Variants in DUSP1 observed in about 807,000 individuals in gnomAD.
The protein encoded by DUSP1 is dual specificity protein phosphatase 1.
DUSP1 carries 10 observed loss-of-function variants against 27.4 expected under a neutral mutation model. The observed-to-expected ratio is 0.37, with a 90% confidence interval of 0.23 to 0.62. The LOEUF (loss-of-function observed/expected upper bound fraction) is 0.62. Among genes scored for constraint, DUSP1 ranks in the 20% least tolerant of loss-of-function variants. DUSP1 has a pLI of 0.68. For synonymous variants in DUSP1, 262 were observed against 223.6 expected (o/e 1.17, Z -1.53); for missense variants, 425 against 508.1 (o/e 0.84, Z 1.57).
At chr5:172,769,921 A>G (rs961151984) in intron 2 of DUSP1, 127 bp from the exon 3 acceptor site, 11 of 1,253,042 alleles carry the variant, frequency 8.8e-6, no homozygotes, top group Non-Finnish European at 1.2e-5. Context: ...CTGTTGCTGG[A>G]GGATAAATAA....
In DUSP1 at chr5:172,771,171, C is replaced by T. The variant is rs1409729783; in HGVS notation, c.-219G>A. 10 of 532,574 alleles carry T rather than the reference C, an allele frequency of 1.9e-5. No homozygotes were observed. Among genetic ancestry groups the T allele is most frequent in the Admixed American group, 8.8e-5 (2 of 22,850 alleles). The allele number at this position is 532,574 out of a possible 1,614,324, so 33.0% of individuals were successfully genotyped here. On this transcript the variant is annotated 5_prime_UTR_variant, in exon 1 of 4. Transcript: ENST00000239223. ...CCGACTGCCCCTCCGACCCGCGTCG[C>T]ACACACAGCCCAAATGTCCTTCGCA... is the stretch of plus-strand genomic sequence containing the variant.
chr5:172,769,069 G>A lies in DUSP1; in HGVS notation c.797C>T (p.Ala266Val). 2 of 1,613,914 alleles carry A rather than the reference G, an allele frequency of 1.2e-6. No homozygotes were observed. The highest frequency in any genetic ancestry group is 8.5e-7 in the Non-Finnish European group (1 of 1,180,028). Residue 266 changes from alanine (A) to valine (V), a missense_variant, in exon 4 of 4, where the codon GCC becomes GTC. Ala to Val is a moderately conservative substitution (Grantham distance 64). Coordinates refer to ENST00000239223, the MANE Select transcript of DUSP1 (RefSeq NM_004417.4). ...VHCQAGISRS[A>V]TICLAYLMRT... Reference sequence around the variant, plus strand: ...CATAAGGTAAGCAAGGCAGATGGTGGCTGACCGGGAAATGCCTGCCTGGCA... The same window carrying A: ...CATAAGGTAAGCAAGGCAGATGGTGACTGACCGGGAAATGCCTGCCTGGCA...
At chr5:172,770,331 T>A in intron 1 of DUSP1, 25 bp from the exon 2 acceptor site, 2 of 1,610,344 alleles carry the variant, frequency 1.2e-6, no homozygotes, top group Non-Finnish European at 1.7e-6. Context: ...ACATTTTTTT[T>A]CCCCATTAGT....
In DUSP1 at chr5:172,768,432, A is replaced by G. The variant is rs1187438092; in HGVS notation, c.*330T>C. On this transcript the variant is annotated 3_prime_UTR_variant, in exon 4 of 4. Transcript: ENST00000239223. ...ATGTATATGTGTCGTCGGGAATAAT[A>G]CTGGTAGGTATGTCAAGCATGAAGA... 4.4e-6 allele frequency: 1 copy of G among 228,786 alleles called. No individual in the cohort carries two copies. The highest frequency in any genetic ancestry group is 8.9e-5 in the East Asian group (1 of 11,242). The allele number at this position is 228,786 out of a possible 1,614,324, so 14.2% of individuals were successfully genotyped here.
In DUSP1 at chr5:172,770,194, C is replaced by T. The variant is rs1223402301; in HGVS notation, c.480G>A (p.Gly160=). 1.3e-6 allele frequency: 2 copies of T among 1,597,346 alleles called. No individual in the cohort carries two copies. Among genetic ancestry groups the T allele is most frequent in the Non-Finnish European group, 1.7e-6 (2 of 1,174,660 alleles). ...STSVPDSAES[G]CSSCSTPLYD... ...AGAGTGGGGTACTGCAGGAACTGCA[C>T]CCAGATTCCGCGCTGTCAGGGACGC... Residue 160 remains glycine, a synonymous_variant, in exon 2 of 4, where the codon GGG becomes GGA. Coordinates refer to ENST00000239223, the MANE Select transcript of DUSP1 (RefSeq NM_004417.4).
In DUSP1 at chr5:172,770,669, CCGTCCAGGGCGGCGCTGCGCT is replaced by C. The variant is rs1759875991; in HGVS notation, c.263_283del (p.Glu88_Asp94del). On this transcript the variant is annotated inframe_deletion, in exon 1 of 4. Coordinates refer to ENST00000239223, the MANE Select transcript of DUSP1 (RefSeq NM_004417.4). The stretch of plus-strand genomic sequence containing the variant: ...GGCCAGGGTGCCGTCGCGCTTGGCG[CCGTCCAGGGCGGCGCTGCGCT>C]CGTCCAGCAACACCACGGCGTGGTA... 6.9e-6 allele frequency: 9 copies of C among 1,307,012 alleles called. No individual in the cohort carries two copies. Among genetic ancestry groups the C allele is most frequent in the South Asian group, 2.2e-5 (1 of 44,952 alleles). The allele number at this position is 1,307,012 out of a possible 1,614,324, so 81.0% of individuals were successfully genotyped here. A position where few individuals can be genotyped will look rare whatever the true frequency, so the allele number is the denominator to read the frequency against.
rs140606584 is a variant in DUSP1, at chr5:172,768,817, G to A, written c.1049C>T (p.Thr350Met). The A allele has an allele frequency of 8.9e-6, 14 of 1,574,046 alleles. No homozygotes were observed. Among genetic ancestry groups the A allele is most frequent in the African/African-American group, 2.7e-5 (2 of 74,244 alleles). Residue 350 changes from threonine to methionine, a missense_variant, in exon 4 of 4, where the codon ACG becomes ATG. Transcript: ENST00000239223. ...NFPVSIPVHS[T>M]NSALSYLQSP... is the part of the protein sequence containing the mutation. Reference sequence around the variant, plus strand: ...CTGAAGGTAGCTCAGCGCACTGTTCGTGGAGTGGACAGGGATGGAGACGGG... The same window carrying A: ...CTGAAGGTAGCTCAGCGCACTGTTCATGGAGTGGACAGGGATGGAGACGGG...
intron 3 of DUSP1, 100 bp from the exon 4 acceptor site, chr5:172,769,232 G>C (rs1759841880): frequency 6.7e-7 from 1 of 1,491,978 alleles, no homozygotes; most frequent in Admixed American, 2.3e-5. Flanking sequence ...GTCTTGTCTA[G>C]AAATGGTCAA....
In DUSP1 at chr5:172,770,605, C is replaced by A; in HGVS notation, c.348G>T (p.Ala116=). The change falls in exon 1 of 4, where the codon GCG becomes GCT. Residue 116 remains alanine (A), a synonymous_variant. Coordinates refer to ENST00000239223, the MANE Select transcript of DUSP1 (RefSeq NM_004417.4). ...AGALCREARA[A]QVFFLKGGYE... is the part of the protein sequence containing the mutation. ...GCGTACCTTTGAGGAAGAAGACTTG[C>A]GCGGCGCGCGCCTCGCGGCAGAGCG... The A allele has an allele frequency of 7.4e-7, 1 of 1,352,688 alleles. No individual in the cohort carries two copies. Among genetic ancestry groups the A allele is most frequent in the Non-Finnish European group, 9.4e-7 (1 of 1,058,774 alleles). The allele number at this position is 1,352,688 out of a possible 1,614,324, so 83.8% of individuals were successfully genotyped here. A position where few individuals can be genotyped will look rare whatever the true frequency, so the allele number is the denominator to read the frequency against.
chr5:172,768,579 G>A lies in DUSP1; in HGVS notation c.*183C>T. 2.6e-6 allele frequency: 2 copies of A among 756,028 alleles called. No homozygotes were observed. Among genetic ancestry groups the A allele is most frequent in the Non-Finnish European group, 3.7e-6 (2 of 537,310 alleles). 46.8% of individuals were successfully genotyped at this position (756,028 alleles called of 1,614,324 possible). On this transcript the variant is annotated 3_prime_UTR_variant, in exon 4 of 4. Transcript: ENST00000239223. ...ACTATATATTGGTCCCGAATGTGCT[G>A]AGTTCAGCAAATGTCTTGACGCTAA...
intron 1 of DUSP1, 62 bp from the exon 2 acceptor site, chr5:172,770,368 A>G (rs972448076): frequency 1.2e-6 from 2 of 1,602,026 alleles, no homozygotes; most frequent in African/African-American, 2.7e-5. Flanking sequence ...ACCTTCATAC[A>G]ACTCCCCCAC....
Position 172,768,769 on chromosome 5 carries a change from C to G in DUSP1, c.1097G>C (p.Ser366Thr). 6.6e-7 allele frequency: 1 copy of G among 1,513,502 alleles called. No homozygotes were observed. Among genetic ancestry groups the G allele is most frequent in the Non-Finnish European group, 8.9e-7 (1 of 1,129,830 alleles). The allele number at this position is 1,513,502 out of a possible 1,614,324, so 93.8% of individuals were successfully genotyped here. A position where few individuals can be genotyped will look rare whatever the true frequency, so the allele number is the denominator to read the frequency against. ...CTCACCTCCCGTGGCCTTTCAGCAG[C>G]TGGGAGAGGTCGTAATGGGGCTCTG... is the stretch of plus-strand genomic sequence containing the variant. ...YLQSPITTSP[S>T]C Residue 366 changes from serine (S) to threonine (T), a missense_variant, in exon 4 of 4, where the codon AGC becomes ACC. Coordinates refer to ENST00000239223, the MANE Select transcript of DUSP1 (RefSeq NM_004417.4).
intron 1 of DUSP1, 84 bp downstream of exon 1, chr5:172,770,502 C>T (rs2113424975): frequency 4.8e-6 from 7 of 1,473,024 alleles, no homozygotes; most frequent in Middle Eastern, 2.5e-4. Flanking sequence ...GCAGGTGGGG[C>T]GATCCCCCGG....
Position 172,768,807 on chromosome 5 carries a change from C to G in DUSP1, c.1059G>C (p.Ala353=), listed in dbSNP as rs188553172. The G allele has an allele frequency of 2.6e-6, 4 of 1,553,800 alleles. No homozygotes were observed. The Admixed American group carries it at 5.6e-5, about 22-fold the overall frequency. Residue 353 remains alanine, a synonymous_variant, in exon 4 of 4, where the codon GCG becomes GCC. Transcript: ENST00000239223. ...VSIPVHSTNS[A]LSYLQSPITT... is the part of the protein sequence containing the mutation. The stretch of plus-strand genomic sequence containing the variant: ...TAATGGGGCTCTGAAGGTAGCTCAG[C>G]GCACTGTTCGTGGAGTGGACAGGGA...
Position 172,770,891 on chromosome 5 carries a change from G to A in DUSP1, c.62C>T (p.Ala21Val), listed in dbSNP as rs757097649. 4.6e-6 allele frequency: 7 copies of A among 1,534,152 alleles called. No individual in the cohort carries two copies. The African/African-American group carries it at 8.3e-5, about 18-fold the overall frequency. The stretch of plus-strand genomic sequence containing the variant: ...GCAGTCCAGCAGCAGGCATTGCGCC[G>A]CTCGCTCCCCCAGCAGCGCCCGCAG... ...GGLRALLGER[A>V]AQCLLLDCRS... Residue 21 changes from alanine (A) to valine (V), a missense_variant, in exon 1 of 4, where the codon GCG (alanine) becomes GTG (valine). This residue lies in a region of DUSP1 where 282 missense variants were observed against 319.3 expected (regional missense o/e 0.88). Transcript: ENST00000239223.
Position 172,768,884 on chromosome 5 carries a change from C to A in DUSP1, c.982G>T (p.Val328Leu). 6.2e-7 allele frequency: 1 copy of A among 1,612,402 alleles called. No homozygotes were observed. Among genetic ancestry groups the A allele is most frequent in the Non-Finnish European group, 8.5e-7 (1 of 1,178,848 alleles). ...SAEAGSPAMAVLDRGTSTTTV... is the reference protein window; with the variant it reads ...SAEAGSPAMALLDRGTSTTTV... Reference sequence around the variant, plus strand: ...GTGGTGGAGGTGCCTCGGTCGAGCACAGCCATGGCGGGGCTCCCAGCCTCT... The same window carrying A: ...GTGGTGGAGGTGCCTCGGTCGAGCAAAGCCATGGCGGGGCTCCCAGCCTCT... Residue 328 changes from valine (V) to leucine (L), a missense_variant, in exon 4 of 4, where the codon GTG (valine) becomes TTG (leucine). Transcript: ENST00000239223.
In DUSP1 at chr5:172,768,954, C is replaced by G; in HGVS notation, c.912G>C (p.Gln304His). 6.2e-7 allele frequency: 1 copy of G among 1,614,250 alleles called. No individual in the cohort carries two copies. Among genetic ancestry groups the G allele is most frequent in the Non-Finnish European group, 8.5e-7 (1 of 1,180,044 alleles). Reference protein sequence around the residue: ...IISPNFSFMGQLLQFESQVLA... With the variant: ...IISPNFSFMGHLLQFESQVLA... ...GCACCTGGGACTCAAACTGCAGCAG[C>G]TGGCCCATGAAGCTGAAGTTGGGAG... Residue 304 changes from glutamine to histidine, a missense_variant, in exon 4 of 4, where the codon CAG (glutamine) becomes CAC (histidine). This residue lies in a region of DUSP1 where 59 missense variants were observed against 108.4 expected (regional missense o/e 0.54). Transcript: ENST00000239223.
Position 172,768,333 on chromosome 5 carries a change from G to T in DUSP1, c.*429C>A, listed in dbSNP as rs562302549. ...CTCAAAAACAAAAATTGAGGTATTT[G>T]GTTCTTCTAGGAGTAGACAATGACA... On this transcript the variant is annotated 3_prime_UTR_variant, in exon 4 of 4. Transcript: ENST00000239223. 2 of 155,554 alleles carry T rather than the reference G, an allele frequency of 1.3e-5. No individual in the cohort carries two copies. The highest frequency in any genetic ancestry group is 3.9e-4 in the South Asian group (2 of 5,102). The allele number at this position is 155,554 out of a possible 1,614,324, so 9.6% of individuals were successfully genotyped here. A position where few individuals can be genotyped will look rare whatever the true frequency, so the allele number is the denominator to read the frequency against.
At chr5:172,769,869 T>C in intron 2 of DUSP1, 75 bp from the exon 3 acceptor site, 1 of 1,507,374 alleles carries the variant, frequency 6.6e-7, no homozygotes, top group Non-Finnish European at 9.0e-7. Context: ...ACAAAAACTT[T>C]CTGCTGGAAA....
Sources: allele counts gnomAD v4.1 joint callset, GRCh38; gene constraint gnomAD v4.1.1; regional missense constraint gnomAD v4.1.1; transcripts MANE v1.5; gene names NCBI Gene and HGNC (gene_info 2026-07-23, HGNC 2026-07-21).